The following SH3GL3 variants were observed in gnomAD, a reference collection of about 807,000 sequenced individuals.
SH3GL3 encodes endophilin-A3.
In SH3GL3, 33 loss-of-function variants were observed where a neutral mutation model predicts 47.7. That is an observed-to-expected ratio of 0.69 (90% CI 0.52 to 0.92). SH3GL3 has a LOEUF of 0.92. Ranked by LOEUF, SH3GL3 falls within the 40% of genes least tolerant of loss-of-function variation. The pLI is 0.00. For missense variants in SH3GL3, 363 were observed against 417.8 expected (o/e 0.87, Z 1.14); for synonymous variants, 155 against 148.8 (o/e 1.04, Z -0.30).
In SH3GL3 at chr15:83,616,961, A is replaced by G. The variant is rs866908278; in HGVS notation, c.839-1121A>G. ...TAGTCAGTAACTAAAATTGAAAGAT[A>G]TTCACCCTAGCTTGTACAAGAAGAA... On this transcript the variant is annotated intron_variant, in intron 8 of 8. Coordinates refer to ENST00000427482, the MANE Select transcript of SH3GL3 (RefSeq NM_003027.5). Among the ~76,000 whole-genome samples the G allele has an allele frequency of 3.3e-4, 51 of 152,328 alleles. No homozygotes were observed. The Middle Eastern group carries it at 0.01, about 30-fold the overall frequency.
At chr15:83,576,444 C>T in intron 5 of SH3GL3, 139 bp from the exon 6 acceptor site, 1 of 643,812 alleles carries the variant, frequency 1.6e-6, no homozygotes. Context: ...CTGAGGTGCT[C>T]CCAACAGCAG....
At position 83,616,220 on chromosome 15, in the gene SH3GL3, C is replaced by A. The variant is rs527314907; in HGVS notation, c.839-1862C>A. On this transcript the variant is annotated intron_variant, in intron 8 of 8. Transcript: ENST00000427482. ...GGTGCAAAAGTAATTGCAGGTTTTG[C>A]CACTAAAAGTAATGGTAAAAATTGT... is the stretch of plus-strand genomic sequence containing the variant. Among the ~76,000 whole-genome samples the A allele has an allele frequency of 2.0e-5, 3 of 149,714 alleles. No individual in the cohort carries two copies. In the East Asian group the frequency reaches 5.9e-4, roughly 29 times the overall value.
chr15:83,597,576 ATATT>A (rs1396015139), intron 8 of SH3GL3, among the ~76,000 whole-genome samples: 4 of 151,044 alleles, frequency 2.6e-5, no homozygotes, highest in African/African-American at 9.7e-5. Flanking sequence ...TTTTATTTTT[ATATT>A]TATTTAGTTT....
At chr15:83,496,623 T>C (rs2042090685) in intron 1 of SH3GL3, among the ~76,000 whole-genome samples, 1 of 152,114 alleles carries the variant, frequency 6.6e-6, no homozygotes, top group East Asian at 1.9e-4. Context: ...TTCCTCTCTT[T>C]ATATTGATTT....
At chr15:83,532,700 A>C (rs1159626703) in intron 1 of SH3GL3, among the ~76,000 whole-genome samples, 1 of 152,206 alleles carries the variant, frequency 6.6e-6, no homozygotes, top group South Asian at 2.1e-4. Flanking sequence ...CTCATCTAGC[A>C]TGAAGTCCAG....
intron 3 of SH3GL3, chr15:83,565,444 T>A (rs1432371047): frequency 4.3e-6 from 2 of 465,168 alleles, no homozygotes; most frequent in East Asian, 7.9e-5. Flanking sequence ...GTGCTGGTCA[T>A]AGCAACAAGA....
chr15:83,568,922 T>G (rs941845744), intron 4 of SH3GL3, among the ~76,000 whole-genome samples: 1 of 136,932 alleles, frequency 7.3e-6, no homozygotes, highest in Non-Finnish European at 1.6e-5. Flanking sequence ...TTTTTTTTTT[T>G]AGACAAAGTC....
intron 6 of SH3GL3, among the ~76,000 whole-genome samples, chr15:83,580,828 T>C (rs185641844): frequency 9.9e-5 from 15 of 152,284 alleles, no homozygotes; most frequent in Admixed American, 9.8e-4. Flanking sequence ...AGCCAGTGAC[T>C]GAGGCAGAGC....
At chr15:83,462,399 C>G (rs905106006) in intron 1 of SH3GL3, among the ~76,000 whole-genome samples, 4 of 152,210 alleles carry the variant, frequency 2.6e-5, no homozygotes, top group Admixed American at 1.3e-4. Context: ...TCTAAGAAAT[C>G]CCTTAGTCCA....
chr15:83,566,523 C>T (rs2045556187), intron 3 of SH3GL3, among the ~76,000 whole-genome samples: 1 of 152,086 alleles, frequency 6.6e-6, no homozygotes, highest in Admixed American at 6.5e-5. Flanking sequence ...GCCTGTAATC[C>T]CAGCACTTTG....
chr15:83,481,781 G>A (rs547087531), intron 1 of SH3GL3, among the ~76,000 whole-genome samples: 2 of 152,166 alleles, frequency 1.3e-5, no homozygotes, highest in African/African-American at 4.8e-5. Flanking sequence ...TTGAAAGAAA[G>A]CTACTCTTGC....
chr15:83,462,440 C>A (rs957889942), intron 1 of SH3GL3, among the ~76,000 whole-genome samples: 2 of 152,162 alleles, frequency 1.3e-5, no homozygotes, highest in Non-Finnish European at 2.9e-5. Flanking sequence ...ATATCCCTAA[C>A]AACTTTTTGT....
chr15:83,561,855 A>C (rs1400731799), intron 2 of SH3GL3, among the ~76,000 whole-genome samples: 1 of 152,172 alleles, frequency 6.6e-6, no homozygotes, highest in Non-Finnish European at 1.5e-5. Context: ...GGGACACCTC[A>C]TGGGCAGGGT....
At chr15:83,611,749 T>C (rs945815420) in intron 8 of SH3GL3, among the ~76,000 whole-genome samples, 5 of 152,144 alleles carry the variant, frequency 3.3e-5, no homozygotes, top group Admixed American at 2.6e-4. Flanking sequence ...TGCTGGCTTC[T>C]GATGGTGGGA....
At chr15:83,516,086 G>C (rs930057307) in intron 1 of SH3GL3, among the ~76,000 whole-genome samples, 2 of 141,728 alleles carry the variant, frequency 1.4e-5, no homozygotes, top group African/African-American at 5.1e-5. Flanking sequence ...AGTCAGTGTA[G>C]TAATAGGCTA....
chr15:83,579,709 T>C (rs546068754), intron 6 of SH3GL3, among the ~76,000 whole-genome samples: 24 of 152,306 alleles, frequency 1.6e-4, no homozygotes, highest in Middle Eastern at 3.4e-3. Flanking sequence ...TCATGGTGCA[T>C]GTGCGTTTAC....
intron 1 of SH3GL3, among the ~76,000 whole-genome samples, chr15:83,498,702 C>G (rs1203145990): frequency 6.6e-6 from 1 of 152,192 alleles, no homozygotes; most frequent in Non-Finnish European, 1.5e-5. Flanking sequence ...TGCCACCTCT[C>G]CCACCTATTT....
intron 1 of SH3GL3, among the ~76,000 whole-genome samples, chr15:83,476,431 T>C (rs2041100785): frequency 1.3e-5 from 2 of 152,368 alleles, no homozygotes; most frequent in Middle Eastern, 3.4e-3. Flanking sequence ...TCATCATTCA[T>C]TGGAGCCAGA....
At chr15:83,542,603 C>G (rs1567320049) in intron 1 of SH3GL3, among the ~76,000 whole-genome samples, 1 of 151,562 alleles carries the variant, frequency 6.6e-6, no homozygotes, top group Non-Finnish European at 1.5e-5. Flanking sequence ...AATCCATGAA[C>G]ATGAACTATC....
Sources: gnomAD v4.1 joint callset for allele counts (sites outside exome capture counted in the v4.1 genomes callset) on GRCh38, gnomAD v4.1.1 for gene constraint, MANE v1.5 for transcripts, NCBI Gene and HGNC (gene_info 2026-07-23, HGNC 2026-07-21) for gene names.